The following LAMC3 variants were observed in gnomAD, a reference collection of about 807,000 sequenced individuals.
LAMC3 encodes laminin subunit gamma 3, also known as laminin subunit gamma-3.
LAMC3 carries 128 observed loss-of-function variants against 173.8 expected under a neutral mutation model. That is an observed-to-expected ratio of 0.74 (90% CI 0.64 to 0.85). LAMC3 has a LOEUF of 0.85. Among genes scored for constraint, LAMC3 ranks in the 40% least tolerant of loss-of-function variants. LAMC3 has a pLI of 0.00. For missense variants in LAMC3, 2,022 were observed against 2,156.0 expected (o/e 0.94, Z 1.23); for synonymous variants, 897 against 909.1 (o/e 0.99, Z 0.24).
chr9:131,047,948 A>G (rs1834203411), intron 8 of LAMC3, among the ~76,000 whole-genome samples: 1 of 148,580 alleles, frequency 6.7e-6, no homozygotes, highest in Non-Finnish European at 1.5e-5. Context: ...GGGGTTTGCC[A>G]TGTTGACCAG....
chr9:131,091,692 G>A lies in LAMC3; in HGVS notation c.4633G>A (p.Gly1545Ser), dbSNP rs1057207177. 7 of 1,610,930 alleles carry A rather than the reference G, an allele frequency of 4.3e-6. No homozygotes were observed. The highest frequency in any genetic ancestry group is 5.9e-6 in the Non-Finnish European group (7 of 1,178,982). Residue 1545 changes from glycine to serine, a missense_variant, in exon 28 of 28, where the codon GGC becomes AGC. Transcript: ENST00000361069. ...ESQQQELQIQGFESDLAEIRA... is the reference protein window; with the variant it reads ...ESQQQELQIQSFESDLAEIRA... ...CCAGCAGCAGGAGCTGCAGATCCAG[G>A]GCTTCGAGAGTGACCTCGCCGAGAT...
intron 23 of LAMC3, 43 bp downstream of exon 23, chr9:131,079,341 G>A: frequency 6.2e-7 from 1 of 1,611,250 alleles, no homozygotes; most frequent in Non-Finnish European, 8.5e-7. Flanking sequence ...GGAGAGGTTG[G>A]GGCTACCCTG....
At chr9:131,081,212 C>T (rs1830232724) in intron 23 of LAMC3, among the ~76,000 whole-genome samples, 1 of 152,240 alleles carries the variant, frequency 6.6e-6, no homozygotes, top group South Asian at 2.1e-4. Context: ...GTTCACCTGC[C>T]TTGCGGCCTG....
chr9:131,073,925 C>CT lies in LAMC3; in HGVS notation c.3494+612dup, dbSNP rs148929966. Among the ~76,000 whole-genome samples, 193 of 143,398 alleles carry CT rather than the reference C, an allele frequency of 1.3e-3. 1 individual carries two copies. Among genetic ancestry groups the CT allele is most frequent in the Non-Finnish European group, 2.2e-3 (142 of 65,644 alleles). 94.1% of individuals were successfully genotyped at this position (143,398 alleles called of 152,430 possible). A position where few individuals can be genotyped will look rare whatever the true frequency, so the allele number is the denominator to read the frequency against. ...AACTGGCTGCTTTGCACAGTGTTTT[C>CT]TTTTTTTTCTTTTCTTTTCTTTTTT... On this transcript the variant is annotated intron_variant, in intron 20 of 27. Transcript: ENST00000361069.
chr9:131,021,532 C>T (rs573697932), intron 1 of LAMC3, among the ~76,000 whole-genome samples: 6 of 151,970 alleles, frequency 3.9e-5, no homozygotes, highest in Admixed American at 1.3e-4. Context: ...TGCTCTCAGA[C>T]GACAGCCATC....
In LAMC3 at chr9:131,093,701, A is replaced by C. The variant is rs1404825488; in HGVS notation, c.*1914A>C. 1 of 152,122 alleles carries C rather than the reference A, an allele frequency of 6.6e-6. No homozygotes were observed. The highest frequency in any genetic ancestry group is 1.5e-5 in the Non-Finnish European group (1 of 68,062). The allele number at this position is 152,122 out of a possible 1,614,324, so 9.4% of individuals were successfully genotyped here. ...GCCACGTGTTGGAGATAGCCTAGGGAGGGGAGCCTGAGGCTTCCGGGATAG... is the reference window on the plus strand; with the variant it reads ...GCCACGTGTTGGAGATAGCCTAGGGCGGGGAGCCTGAGGCTTCCGGGATAG... On this transcript the variant is annotated 3_prime_UTR_variant, in exon 28 of 28. Transcript: ENST00000361069.
At chr9:131,059,490 C>CAAAAAAAAAA (rs58064050) in intron 12 of LAMC3, among the ~76,000 whole-genome samples, 2 of 64,370 alleles carry the variant, frequency 3.1e-5, no homozygotes, top group African/African-American at 5.5e-5. Context: ...GACTCCGTCT[C>CAAAAAAAAAA]AAAAAAAAAA....
At position 131,009,315 on chromosome 9, in the gene LAMC3, G is replaced by A; in HGVS notation, c.101G>A (p.Arg34His). ...ACYDGAGRPQRCLPVFENAAF... is the reference protein window; with the variant it reads ...ACYDGAGRPQHCLPVFENAAF... The stretch of plus-strand genomic sequence containing the variant: ...TATGACGGCGCAGGGCGCCCGCAGC[G>A]CTGCCTGCCGGTGTTCGAGAACGCG... Residue 34 changes from arginine (R) to histidine (H), a missense_variant, in exon 1 of 28, where the codon CGC becomes CAC. Coordinates refer to ENST00000361069, the MANE Select transcript of LAMC3 (RefSeq NM_006059.4). This position sits in a 1 kb window ranked among gnomAD's most constrained non-coding sequence, Gnocchi z 4.3. 6.8e-7 allele frequency: 1 copy of A among 1,461,476 alleles called. No homozygotes were observed. The highest frequency in any genetic ancestry group is 9.0e-7 in the Non-Finnish European group (1 of 1,113,834). 90.5% of individuals were successfully genotyped at this position (1,461,476 alleles called of 1,614,324 possible).
chr9:131,056,217 C>A (rs1419170558), intron 11 of LAMC3, among the ~76,000 whole-genome samples: 1 of 151,920 alleles, frequency 6.6e-6, no homozygotes, highest in South Asian at 2.1e-4. Flanking sequence ...ACCAAAACAA[C>A]AAGAAAAATC....
chr9:131,047,853 ACT>A (rs1834200273), intron 8 of LAMC3, among the ~76,000 whole-genome samples: 3 of 150,646 alleles, frequency 2.0e-5, no homozygotes, highest in East Asian at 4.0e-4. Flanking sequence ...ACAGGGTGAG[ACT>A]CTGTCTCAAA....
chr9:131,064,068 C>G (rs7858713), intron 13 of LAMC3, among the ~76,000 whole-genome samples: 130,620 of 152,052 alleles, frequency 0.86, 56,542 homozygotes, highest in African/African-American at 0.94. Context: ...CCACCATGCC[C>G]GGCTAATGTT....
rs1564368442 is a variant in LAMC3 at position 131,032,568 on chromosome 9, T to TC, written c.809+393_809+394insC. Among the ~76,000 whole-genome samples the TC allele has an allele frequency of 3.7e-3, 437 of 118,828 alleles. 5 individuals are homozygous for TC. The highest frequency in any genetic ancestry group is 0.021 in the African/African-American group (414 of 20,074). 78.0% of individuals were successfully genotyped at this position (118,828 alleles called of 152,430 possible). The stretch of plus-strand genomic sequence containing the variant: ...TCTTGCTCTCTCTCGCTCTCTCTCT[T>TC]GCTCTCTCTCGCTTGCTCTCTTTCT... On this transcript the variant is annotated intron_variant, in intron 3 of 27. Transcript: ENST00000361069.
chr9:131,040,181 T>C (rs2133257769), intron 6 of LAMC3, among the ~76,000 whole-genome samples: 1 of 143,722 alleles, frequency 7.0e-6, no homozygotes, highest in South Asian at 2.1e-4. Flanking sequence ...GCCCACTATC[T>C]CTATTTTTTT....
In LAMC3 at chr9:131,072,922, G is replaced by T. The variant is rs1436378831; in HGVS notation, c.3417+87G>T. 3.2e-6 allele frequency: 4 copies of T among 1,261,398 alleles called. 1 individual carries two copies. In the African/African-American group the frequency reaches 5.9e-5, roughly 19 times the overall value. The allele number at this position is 1,261,398 out of a possible 1,614,324, so 78.1% of individuals were successfully genotyped here. On this transcript the variant is annotated intron_variant, in intron 19 of 27. Coordinates refer to ENST00000361069, the MANE Select transcript of LAMC3 (RefSeq NM_006059.4). Reference sequence around the variant, plus strand: ...CCTCCCATTGACCTGGTGACCTTGGGTATGACTCCCCACTTTGGGAGGCTT... The same window carrying T: ...CCTCCCATTGACCTGGTGACCTTGGTTATGACTCCCCACTTTGGGAGGCTT...
rs1244060481 is a variant in LAMC3, at chr9:131,094,437, G to A, written c.*2650G>A. The A allele has an allele frequency of 6.6e-6, 1 of 152,260 alleles. No homozygotes were observed. Among genetic ancestry groups the A allele is most frequent in the Non-Finnish European group, 1.5e-5 (1 of 68,096 alleles). 9.4% of individuals were successfully genotyped at this position (152,260 alleles called of 1,614,324 possible). On this transcript the variant is annotated 3_prime_UTR_variant, in exon 28 of 28. Coordinates refer to ENST00000361069, the MANE Select transcript of LAMC3 (RefSeq NM_006059.4). ...AGAAAACTGTAAAATCAAGGCTACG[G>A]TGGGGGATTGACATGATTAAACTGA...
chr9:131,076,666 G>A (rs1339853753), intron 21 of LAMC3, among the ~76,000 whole-genome samples: 3 of 152,100 alleles, frequency 2.0e-5, no homozygotes, highest in African/African-American at 7.2e-5. Flanking sequence ...GTGGACAGCT[G>A]GTCAGGACAG....
At chr9:131,078,650 T>C (rs1830176647) in intron 22 of LAMC3, among the ~76,000 whole-genome samples, 1 of 152,212 alleles carries the variant, frequency 6.6e-6, no homozygotes, top group African/African-American at 2.4e-5. Context: ...CAGGTTCTGC[T>C]TCCAGCACCA....
At chr9:131,054,012 AAAAAC>A (rs202103319) in intron 11 of LAMC3, among the ~76,000 whole-genome samples, 24,941 of 151,160 alleles carry the variant, frequency 0.16, 2,500 homozygotes, top group Admixed American at 0.24. Context: ...CTAAAAAAAA[AAAAAC>A]AAAACAAAAA....
rs1053749240 is a variant in LAMC3 at position 131,094,364 on chromosome 9, C to T, written c.*2577C>T. 6.6e-6 allele frequency: 1 copy of T among 152,182 alleles called. No homozygotes were observed. Among genetic ancestry groups the T allele is most frequent in the African/African-American group, 2.4e-5 (1 of 41,434 alleles). 9.4% of individuals were successfully genotyped at this position (152,182 alleles called of 1,614,324 possible). A position where few individuals can be genotyped will look rare whatever the true frequency, so the allele number is the denominator to read the frequency against. ...CAATAATGGATGACCGGTGCCACCC[C>T]CCAACCTAATGGGAGATGGTGTTCA... is the stretch of plus-strand genomic sequence containing the variant. On this transcript the variant is annotated 3_prime_UTR_variant, in exon 28 of 28. Coordinates refer to ENST00000361069, the MANE Select transcript of LAMC3 (RefSeq NM_006059.4).
Sources: allele counts gnomAD v4.1 joint callset (sites outside exome capture counted in the v4.1 genomes callset), GRCh38; gene constraint gnomAD v4.1.1; non-coding constraint Gnocchi (gnomAD v3.1); transcripts MANE v1.5; gene names NCBI Gene and HGNC (gene_info 2026-07-23, HGNC 2026-07-21).